ZCCHC7: variants seen among roughly 807,000 people sequenced by gnomAD.
The protein encoded by ZCCHC7 is zinc finger CCHC-type containing 7.
Under a neutral mutation model 52.0 loss-of-function variants are expected in ZCCHC7, and 35 were observed. That is an observed-to-expected ratio of 0.67 (90% CI 0.51 to 0.89). ZCCHC7 has a LOEUF of 0.89. Among genes scored for constraint, ZCCHC7 ranks in the 40% least tolerant of loss-of-function variants. The pLI, the probability that ZCCHC7 is intolerant of heterozygous loss-of-function variation, is 0.00. For synonymous variants in ZCCHC7, 217 were observed against 221.5 expected, an observed-to-expected ratio of 0.98 and a Z score of 0.18; for missense variants, 574 against 649.1, an observed-to-expected ratio of 0.88 and a Z score of 1.26.
In ZCCHC7 at chr9:37,274,331, C is replaced by CTTT. The variant is rs10653910; in HGVS notation, c.611-27833_611-27831dup. Among the ~76,000 whole-genome samples the CTTT allele has an allele frequency of 4.2e-3, 324 of 76,688 alleles. 41 individuals are homozygous for CTTT. Among genetic ancestry groups the CTTT allele is most frequent in the African/African-American group, 0.016 (303 of 18,410 alleles). The allele number at this position is 76,688 out of a possible 152,430, so 50.3% of individuals were successfully genotyped here. A position where few individuals can be genotyped will look rare whatever the true frequency, so the allele number is the denominator to read the frequency against. On this transcript the variant is annotated intron_variant, in intron 2 of 8. Coordinates refer to ENST00000336755, the MANE Select transcript of ZCCHC7 (RefSeq NM_032226.3). ...TTATGAAAATTACCATATCTAATTTCTTTTTTTTTTTTTTTTTTTTTTTTT... is the reference window on the plus strand; with the variant it reads ...TTATGAAAATTACCATATCTAATTTCTTTTTTTTTTTTTTTTTTTTTTTTTTTT...
Position 37,126,617 on chromosome 9 carries a change from T to TGATGAAGACAGTATTTATA in ZCCHC7, c.290_308dup (p.Cys103Ter). 6.2e-7 allele frequency: 1 copy of TGATGAAGACAGTATTTATA among 1,614,206 alleles called. No individual in the cohort carries two copies. The highest frequency in any genetic ancestry group is 8.5e-7 in the Non-Finnish European group (1 of 1,180,044). On this transcript the variant is annotated frameshift_variant, in exon 2 of 9. Coordinates refer to ENST00000336755, the MANE Select transcript of ZCCHC7 (RefSeq NM_032226.3). LOFTEE classifies it high-confidence loss of function. ...ATGGGTCAGAGGTCATCACTTTGTC[T>TGATGAAGACAGTATTTATA]GATGAAGACAGTATTTATAGATGTA...
At chr9:37,308,947 C>T (rs568874029) in intron 5 of ZCCHC7, among the ~76,000 whole-genome samples, 7 of 149,460 alleles carry the variant, frequency 4.7e-5, no homozygotes, top group African/African-American at 1.5e-4. Flanking sequence ...TGCCACTGCA[C>T]TCCAGCCTGG....
rs1262551261 is a variant in ZCCHC7 at position 37,357,707 on chromosome 9, A to G, written c.*439A>G. ...TTTTTTTTTTACTTTGGAAAGGACA[A>G]TAACTATAAACCTATATCCAGATTT... On this transcript the variant is annotated 3_prime_UTR_variant, in exon 9 of 9. Coordinates refer to ENST00000336755, the MANE Select transcript of ZCCHC7 (RefSeq NM_032226.3). 2 of 151,852 alleles carry G rather than the reference A, an allele frequency of 1.3e-5. No individual in the cohort carries two copies. Among genetic ancestry groups the G allele is most frequent in the African/African-American group, 2.4e-5 (1 of 41,184 alleles). The allele number at this position is 151,852 out of a possible 1,614,324, so 9.4% of individuals were successfully genotyped here.
At chr9:37,166,807 G>A (rs1205726494) in intron 2 of ZCCHC7, among the ~76,000 whole-genome samples, 1 of 152,012 alleles carries the variant, frequency 6.6e-6, no homozygotes, top group Non-Finnish European at 1.5e-5. Context: ...TTGACCCAGG[G>A]GTTATTTAGA....
intron 2 of ZCCHC7, among the ~76,000 whole-genome samples, chr9:37,139,782 A>C (rs1843145602): frequency 6.6e-6 from 1 of 151,990 alleles, no homozygotes. Flanking sequence ...AAGTAGCTTA[A>C]GAGGTATTTA....
At chr9:37,191,418 C>T (rs1014663404) in intron 2 of ZCCHC7, among the ~76,000 whole-genome samples, 1 of 151,862 alleles carries the variant, frequency 6.6e-6, no homozygotes, top group Non-Finnish European at 1.5e-5. Flanking sequence ...ATATTTCTTA[C>T]CTTTTTGTAC....
intron 6 of ZCCHC7, among the ~76,000 whole-genome samples, chr9:37,348,347 G>GTTCGTTCTTTCTTTATTTCT (rs370166957): frequency 7.4e-6 from 1 of 135,488 alleles, no homozygotes; most frequent in African/African-American, 3.0e-5. Flanking sequence ...ATACCAGTTC[G>GTTCGTTCTTTCTTTATTTCT]TTCTTTCTTT....
At chr9:37,310,350 T>G (rs1328669484) in intron 5 of ZCCHC7, among the ~76,000 whole-genome samples, 1 of 152,230 alleles carries the variant, frequency 6.6e-6, no homozygotes, top group Admixed American at 6.5e-5. Context: ...TACCTTTAGC[T>G]TGCACACAGA....
At chr9:37,171,472 A>G (rs1588422446) in intron 2 of ZCCHC7, among the ~76,000 whole-genome samples, 1 of 152,254 alleles carries the variant, frequency 6.6e-6, no homozygotes, top group African/African-American at 2.4e-5. Flanking sequence ...GCGGAAGTGC[A>G]GTGGTGCGAT....
intron 2 of ZCCHC7, among the ~76,000 whole-genome samples, chr9:37,198,904 C>T (rs1421857337): frequency 6.6e-6 from 1 of 152,062 alleles, no homozygotes; most frequent in Non-Finnish European, 1.5e-5. Context: ...GATGATTGAC[C>T]CTTGGTGTGT....
intron 2 of ZCCHC7, among the ~76,000 whole-genome samples, chr9:37,163,902 C>G (rs1198898300): frequency 2.6e-5 from 4 of 152,066 alleles, no homozygotes; most frequent in African/African-American, 9.7e-5. Context: ...ATGGAGATAT[C>G]TAACTTCTAG....
chr9:37,348,532 A>G (rs1564271448), intron 6 of ZCCHC7, among the ~76,000 whole-genome samples: 1 of 151,828 alleles, frequency 6.6e-6, no homozygotes, highest in Non-Finnish European at 1.5e-5. Flanking sequence ...GGCACACACC[A>G]CCATGCCCAG....
chr9:37,176,180 TCTC>T (rs1822017492), intron 2 of ZCCHC7, among the ~76,000 whole-genome samples: 1 of 152,118 alleles, frequency 6.6e-6, no homozygotes. Flanking sequence ...TTCATGCCAT[TCTC>T]CTGCCTCAGC....
chr9:37,329,984 G>A (rs994388199), intron 6 of ZCCHC7, among the ~76,000 whole-genome samples: 9 of 151,830 alleles, frequency 5.9e-5, no homozygotes, highest in African/African-American at 2.2e-4. Flanking sequence ...TGGCAAAGAT[G>A]ATTAGTATCC....
chr9:37,208,957 T>C (rs149669777), intron 2 of ZCCHC7, among the ~76,000 whole-genome samples: 124 of 152,334 alleles, frequency 8.1e-4, no homozygotes, highest in Non-Finnish European at 1.4e-3. Flanking sequence ...TTCAGCCACA[T>C]TGACTTCTTT....
At chr9:37,186,940 T>A in intron 2 of ZCCHC7, 1 of 304,734 alleles carries the variant, frequency 3.3e-6, no homozygotes, top group South Asian at 1.6e-4. Flanking sequence ...AAAAGGCAAG[T>A]GTATTTTTCT....
At position 37,208,783 on chromosome 9, in the gene ZCCHC7, A is replaced by G. The variant is rs952125463; in HGVS notation, c.610+81841A>G. Among the ~76,000 whole-genome samples, 15 of 152,090 alleles carry G rather than the reference A, an allele frequency of 9.9e-5. No individual in the cohort carries two copies. In the East Asian group the frequency reaches 2.7e-3, roughly 27 times the overall value. ...AGTGGTGTCTAGATTTTTGTTCTTCATTTTTCCACCAAGCAGCTAGAGAGG... is the reference window on the plus strand; with the variant it reads ...AGTGGTGTCTAGATTTTTGTTCTTCGTTTTTCCACCAAGCAGCTAGAGAGG... On this transcript the variant is annotated intron_variant, in intron 2 of 8. Coordinates refer to ENST00000336755, the MANE Select transcript of ZCCHC7 (RefSeq NM_032226.3).
rs772452234 is a variant in ZCCHC7, at chr9:37,305,503, T to G, written c.781-41T>G. ...GAAAAACAAATACTAATCTTCTACCTTTTGAGACTGAAGAGATTTTATGTT... is the reference window on the plus strand; with the variant it reads ...GAAAAACAAATACTAATCTTCTACCGTTTGAGACTGAAGAGATTTTATGTT... On this transcript the variant is annotated intron_variant, in intron 4 of 8. Coordinates refer to ENST00000336755, the MANE Select transcript of ZCCHC7 (RefSeq NM_032226.3). 5.0e-6 allele frequency: 8 copies of G among 1,608,792 alleles called. No homozygotes were observed. In the East Asian group the frequency reaches 1.8e-4, roughly 36 times the overall value.
chr9:37,164,020 C>G (rs1821264571), intron 2 of ZCCHC7, among the ~76,000 whole-genome samples: 1 of 151,726 alleles, frequency 6.6e-6, no homozygotes, highest in African/African-American at 2.4e-5. Context: ...GATGCCTATA[C>G]TATACTCTGT....
Sources: allele counts gnomAD v4.1 joint callset (sites outside exome capture counted in the v4.1 genomes callset), GRCh38; gene constraint gnomAD v4.1.1; transcripts MANE v1.5; gene names NCBI Gene and HGNC (gene_info 2026-07-23, HGNC 2026-07-21).